Variants in GHR observed in about 807,000 individuals in gnomAD.
The protein encoded by GHR is growth hormone receptor, also known as GH receptor.
Under a neutral mutation model 67.1 loss-of-function variants are expected in GHR, and 35 were observed. The observed-to-expected ratio is 0.52, with a 90% CI of 0.40 to 0.69. The LOEUF (loss-of-function observed/expected upper bound fraction) is 0.69. GHR is among the 30% of genes least tolerant of loss of function. The pLI, the probability that GHR is intolerant of heterozygous loss-of-function variation, is 0.00. For synonymous variants in GHR, 272 were observed against 269.1 expected (o/e 1.01, Z -0.10); for missense variants, 792 against 764.6 (o/e 1.04, Z -0.42).
At chr5:42,526,662 G>A (rs918989883) in intron 1 of GHR, among the ~76,000 whole-genome samples, 2 of 152,148 alleles carry the variant, frequency 1.3e-5, no homozygotes, top group Non-Finnish European at 2.9e-5. Context: ...TGAAGTTGGT[G>A]ACTTTAAGTT....
intron 1 of GHR, among the ~76,000 whole-genome samples, chr5:42,456,107 T>C (rs1327827222): frequency 6.6e-6 from 1 of 152,206 alleles, no homozygotes; most frequent in Non-Finnish European, 1.5e-5. Flanking sequence ...GGTCAAGAGA[T>C]GGAGAACATC....
intron 1 of GHR, among the ~76,000 whole-genome samples, chr5:42,476,363 G>C (rs551590802): frequency 9.3e-4 from 141 of 152,066 alleles, no homozygotes; most frequent in African/African-American, 3.3e-3. Flanking sequence ...GGGATTACAG[G>C]CACGCGCCAC....
chr5:42,575,732 A>T (rs1046342517), intron 2 of GHR, among the ~76,000 whole-genome samples: 5 of 139,866 alleles, frequency 3.6e-5, no homozygotes, highest in South Asian at 2.2e-4. Flanking sequence ...GCCTGCATGT[A>T]AAAAAAAAAA....
Position 42,424,394 on chromosome 5 carries a change from G to A in GHR, c.-12+439G>A, listed in dbSNP as rs1416296601. 3 of 598,500 alleles carry A rather than the reference G, an allele frequency of 5.0e-6. No homozygotes were observed. In the East Asian group the frequency reaches 8.3e-5, roughly 17 times the overall value. 37.1% of individuals were successfully genotyped at this position (598,500 alleles called of 1,614,324 possible). A position where few individuals can be genotyped will look rare whatever the true frequency, so the allele number is the denominator to read the frequency against. The stretch of plus-strand genomic sequence containing the variant: ...TGTTTGCCATCATCTGCCTGGCTGC[G>A]GCAGGAACTGCCGAGGCTGCTGCTG... On this transcript the variant is annotated intron_variant, in intron 1 of 9. Coordinates refer to ENST00000230882, the MANE Select transcript of GHR (RefSeq NM_000163.5). The surrounding 1 kb of genome is among the most constrained non-coding windows in gnomAD (Gnocchi z 4.1).
At chr5:42,537,502 T>C (rs982134151) in intron 1 of GHR, among the ~76,000 whole-genome samples, 32 of 152,150 alleles carry the variant, frequency 2.1e-4, no homozygotes, top group African/African-American at 7.2e-4. Flanking sequence ...CCAGGTTTAT[T>C]CAATGTGGTC....
In GHR at chr5:42,721,265, G is replaced by A. The variant is rs929772321; in HGVS notation, c.*1841G>A. ...AGAGCATTGGGATATCTCCTGAAAA[G>A]GTTTATGAAAAAGAAGAATCTCATC... is the stretch of plus-strand genomic sequence containing the variant. On this transcript the variant is annotated 3_prime_UTR_variant, in exon 10 of 10. Coordinates refer to ENST00000230882, the MANE Select transcript of GHR (RefSeq NM_000163.5). The A allele has an allele frequency of 1.3e-5, 2 of 152,072 alleles. No homozygotes were observed. The highest frequency in any genetic ancestry group is 2.9e-5 in the Non-Finnish European group (2 of 68,008). The allele number at this position is 152,072 out of a possible 1,614,324, so 9.4% of individuals were successfully genotyped here.
At position 42,673,801 on chromosome 5, in the gene GHR, TA is replaced by T. The variant is rs1283507161; in HGVS notation, c.137-15083del. 3.9e-5 allele frequency among the ~76,000 whole-genome samples: 6 copies of T among 152,174 alleles called. No homozygotes were observed. In the East Asian group the frequency reaches 1.2e-3, roughly 29 times the overall value. On this transcript the variant is annotated intron_variant, in intron 3 of 9. Coordinates refer to ENST00000230882, the MANE Select transcript of GHR (RefSeq NM_000163.5). ...GGGAGGTAGGGAGCAGAGAGAGGAC[TA>T]AAAAACTATTAGGTACTATGCTCAT...
intron 1 of GHR, among the ~76,000 whole-genome samples, chr5:42,554,325 C>A (rs1196113703): frequency 6.6e-6 from 1 of 151,008 alleles, no homozygotes; most frequent in Non-Finnish European, 1.5e-5. Flanking sequence ...TAGTAACAGA[C>A]AGAAGTTCTG....
At chr5:42,474,333 G>GAAAGAAAGAAAGAA (rs144590349) in intron 1 of GHR, among the ~76,000 whole-genome samples, 8 of 149,106 alleles carry the variant, frequency 5.4e-5, no homozygotes, top group Non-Finnish European at 7.5e-5. Context: ...AAGAAAGAAA[G>GAAAGAAAGAAAGAA]AAAGAAAAGA....
chr5:42,567,404 G>T (rs1213012422), intron 2 of GHR, among the ~76,000 whole-genome samples: 1 of 152,164 alleles, frequency 6.6e-6, no homozygotes, highest in African/African-American at 2.4e-5. Context: ...TTGAGTTCCT[G>T]AGTGAAGAGA....
At position 42,700,680 on chromosome 5, in the gene GHR, A is replaced by ACCACAG. The variant is rs35027937; in HGVS notation, c.618+700_618+705dup. Among the ~76,000 whole-genome samples, 1,443 of 152,172 alleles carry ACCACAG rather than the reference A, an allele frequency of 9.5e-3. 19 individuals are homozygous for ACCACAG. Among genetic ancestry groups the ACCACAG allele is most frequent in the Admixed American group, 0.014 (210 of 15,284 alleles). ...ATATAACTAATTCTAAATCTGTCTA[A>ACCACAG]CCACAGCCACAGCCACAGCCACAGC... On this transcript the variant is annotated intron_variant, in intron 6 of 9. Coordinates refer to ENST00000230882, the MANE Select transcript of GHR (RefSeq NM_000163.5).
At chr5:42,653,401 A>G (rs1755101374) in intron 3 of GHR, among the ~76,000 whole-genome samples, 1 of 152,118 alleles carries the variant, frequency 6.6e-6, no homozygotes, top group South Asian at 2.1e-4. Context: ...TCTTTCTGCC[A>G]TCCCTATCTT....
chr5:42,698,231 G>A (rs1326231209), intron 5 of GHR, among the ~76,000 whole-genome samples: 3 of 152,186 alleles, frequency 2.0e-5, no homozygotes, highest in East Asian at 3.8e-4. Context: ...TATTATGCCT[G>A]TAATGGTATC....
intron 3 of GHR, among the ~76,000 whole-genome samples, chr5:42,660,580 G>C (rs995648229): frequency 2.4e-4 from 37 of 152,072 alleles, no homozygotes; most frequent in Non-Finnish European, 5.0e-4. Flanking sequence ...CTAACAAACA[G>C]AAAGGACATC....
intron 1 of GHR, among the ~76,000 whole-genome samples, chr5:42,446,923 A>T (rs190835189): frequency 6.6e-6 from 1 of 152,336 alleles, no homozygotes; most frequent in Non-Finnish European, 1.5e-5. Flanking sequence ...TATGATTATT[A>T]GTGTTGGCAA....
intron 3 of GHR, among the ~76,000 whole-genome samples, chr5:42,643,066 T>A (rs77462118): frequency 0.026 from 3,966 of 152,252 alleles, 91 homozygotes; most frequent in Non-Finnish European, 0.034. Flanking sequence ...TAAAGTCATA[T>A]TCACAGGTAC....
chr5:42,704,165 C>T (rs1758064097), intron 6 of GHR, among the ~76,000 whole-genome samples: 1 of 151,890 alleles, frequency 6.6e-6, no homozygotes, highest in Non-Finnish European at 1.5e-5. Flanking sequence ...AAGCTTTCCA[C>T]ATTTCACTGT....
At chr5:42,545,752 T>C (rs1033458875) in intron 1 of GHR, among the ~76,000 whole-genome samples, 6 of 152,190 alleles carry the variant, frequency 3.9e-5, no homozygotes, top group Non-Finnish European at 7.3e-5. Context: ...TGCAAAGATA[T>C]AGTCCAGGCT....
intron 1 of GHR, among the ~76,000 whole-genome samples, chr5:42,547,147 C>T (rs1031578500): frequency 3.9e-5 from 6 of 152,114 alleles, no homozygotes; most frequent in African/African-American, 1.2e-4. Context: ...ATGAATTTTC[C>T]CCTCTAAGTG....
Sources: allele counts gnomAD v4.1 joint callset (sites outside exome capture counted in the v4.1 genomes callset), GRCh38; gene constraint gnomAD v4.1.1; non-coding constraint Gnocchi (gnomAD v3.1); transcripts MANE v1.5; gene names NCBI Gene and HGNC (gene_info 2026-07-23, HGNC 2026-07-21).